BDH1: variants seen among roughly 807,000 people sequenced by gnomAD.
BDH1 encodes the protein 3-hydroxybutyrate dehydrogenase 1.
Under a neutral mutation model 33.1 loss-of-function variants are expected in BDH1, and 30 were observed. That is an observed-to-expected ratio of 0.91 (90% confidence interval 0.68 to 1.23). BDH1 has a LOEUF of 1.23. Ranked by LOEUF, BDH1 falls within the 50% of genes most tolerant of loss-of-function variation. The probability of loss-of-function intolerance (pLI) is 0.00; values close to 1 mark genes in which losing one functional copy is unlikely to be tolerated. For missense variants in BDH1, 443 were observed against 464.4 expected (o/e 0.95, Z 0.42); for synonymous variants, 190 against 183.6 (o/e 1.03, Z -0.28).
chr3:197,544,166 G>A (rs1201045424), intron 3 of BDH1, among the ~76,000 whole-genome samples: 2 of 152,200 alleles, frequency 1.3e-5, no homozygotes. Flanking sequence ...TAGGCATGGC[G>A]ATTACCCACC....
rs936811832 is a variant in BDH1 at position 197,546,068 on chromosome 3, C to A, written c.83+293G>T. The A allele has an allele frequency of 1.3e-5, 3 of 226,734 alleles. No homozygotes were observed. In the East Asian group the frequency reaches 2.8e-4, roughly 21 times the overall value. 14.0% of individuals were successfully genotyped at this position (226,734 alleles called of 1,614,324 possible). A position where few individuals can be genotyped will look rare whatever the true frequency, so the allele number is the denominator to read the frequency against. ...GGGAGAATCACTTGAACCCAGGAGG[C>A]GGAGGTGGCAGTGAGCCGAGATCAC... On this transcript the variant is annotated intron_variant, in intron 3 of 7. Coordinates refer to ENST00000392379, the MANE Select transcript of BDH1 (RefSeq NM_203314.3).
intron 1 of BDH1, among the ~76,000 whole-genome samples, chr3:197,569,398 G>A (rs186785430): frequency 6.6e-6 from 1 of 152,120 alleles, no homozygotes; most frequent in Non-Finnish European, 1.5e-5. Flanking sequence ...AATACAGGTG[G>A]CAATTTCTGA....
Position 197,522,672 on chromosome 3 carries a change from A to G in BDH1, c.377T>C (p.Ile126Thr), listed in dbSNP as rs924016446. ...SSEEVEKVVE[I>T]VRSSLKDPEK... ...AGGGTCCTTCAGGCTCGAGCGGACA[A>G]TCTCCACCACTTTCTCCACCTCTTC... The change falls in exon 6 of 8, where the codon ATT becomes ACT. Residue 126 changes from isoleucine (I) to threonine (T), a missense_variant. Physicochemically the swap from Ile to Thr is moderately conservative, Grantham distance 89. Coordinates refer to ENST00000392379, the MANE Select transcript of BDH1 (RefSeq NM_203314.3). This position sits in a 1 kb window ranked among gnomAD's most constrained non-coding sequence, Gnocchi z 4.8. 1.9e-6 allele frequency: 3 copies of G among 1,614,016 alleles called. No individual in the cohort carries two copies. The highest frequency in any genetic ancestry group is 2.5e-6 in the Non-Finnish European group (3 of 1,180,014).
In BDH1 at chr3:197,514,262, A is replaced by G. The variant is rs757484586; in HGVS notation, c.562+2T>C. On this transcript the variant is annotated splice_donor_variant, in intron 7 of 7. Transcript: ENST00000392379. LOFTEE classifies it high-confidence loss of function. This position sits in a 1 kb window ranked among gnomAD's most constrained non-coding sequence, Gnocchi z 4.2. Reference sequence around the variant, plus strand: ...CAGGAGGGAGCTCCCTTTCCCACTCACCTTTGGCCCTTCGGATGAGGGGGA... The same window carrying G: ...CAGGAGGGAGCTCCCTTTCCCACTCGCCTTTGGCCCTTCGGATGAGGGGGA... 1 of 1,607,152 alleles carries G rather than the reference A, an allele frequency of 6.2e-7. No individual in the cohort carries two copies. Among genetic ancestry groups the G allele is most frequent in the South Asian group, 1.1e-5 (1 of 90,402 alleles).
chr3:197,550,256 C>T (rs891668), intron 2 of BDH1, among the ~76,000 whole-genome samples: 47,919 of 152,000 alleles, frequency 0.32, 8,102 homozygotes, highest in African/African-American at 0.42. Context: ...TCACATGGCT[C>T]GTTTCACAGG....
At chr3:197,530,230 A>G (rs779185174) in intron 5 of BDH1, 4 of 152,218 alleles carry the variant, frequency 2.6e-5, no homozygotes. Context: ...TTGTGTGGAA[A>G]TAGGCACTCA....
chr3:197,569,396 T>C (rs1401718356), intron 1 of BDH1, among the ~76,000 whole-genome samples: 2 of 152,166 alleles, frequency 1.3e-5, no homozygotes, highest in African/African-American at 4.8e-5. Context: ...ACAATACAGG[T>C]GGCAATTTCT....
At chr3:197,562,971 T>G (rs1394409570) in intron 1 of BDH1, among the ~76,000 whole-genome samples, 1 of 152,248 alleles carries the variant, frequency 6.6e-6, no homozygotes, top group Non-Finnish European at 1.5e-5. Context: ...CTATTTTCCT[T>G]TCTGCCATGC....
chr3:197,540,991 C>T (rs571088520), intron 3 of BDH1, among the ~76,000 whole-genome samples: 1 of 152,344 alleles, frequency 6.6e-6, no homozygotes, highest in Admixed American at 6.5e-5. Context: ...GCCTCCTGAG[C>T]ACTGCTGGAC....
chr3:197,572,701 C>T (rs1425682220), intron 1 of BDH1, among the ~76,000 whole-genome samples: 1 of 152,176 alleles, frequency 6.6e-6, no homozygotes, highest in African/African-American at 2.4e-5. Flanking sequence ...TGTACCACTA[C>T]ACTCCAGCCC....
intron 1 of BDH1, among the ~76,000 whole-genome samples, chr3:197,570,511 G>A (rs999169891): frequency 2.0e-5 from 3 of 152,328 alleles, no homozygotes; most frequent in South Asian, 4.1e-4. Flanking sequence ...GGGCCCAGGG[G>A]CCCCCTGCTG....
At chr3:197,540,903 C>A (rs750763935) in intron 3 of BDH1, among the ~76,000 whole-genome samples, 8 of 152,184 alleles carry the variant, frequency 5.3e-5, no homozygotes, top group East Asian at 1.9e-4. Flanking sequence ...CTGCCCCCCC[C>A]ACAGCAATAC....
rs1714341151 is a variant in BDH1 at position 197,528,577 on chromosome 3, C to T, written c.267+3835G>A. On this transcript the variant is annotated intron_variant, in intron 5 of 7. Coordinates refer to ENST00000392379, the MANE Select transcript of BDH1 (RefSeq NM_203314.3). The surrounding 1 kb of genome is among the most constrained non-coding windows in gnomAD (Gnocchi z 5.1). ...CCTTTCAACCCCCACGGTGCCTTAT[C>T]CAAAGCCTCTGGTGGTGCTAACTGC... 6.6e-6 allele frequency: 1 copy of T among 152,216 alleles called. No individual in the cohort carries two copies. Among genetic ancestry groups the T allele is most frequent in the Non-Finnish European group, 1.5e-5 (1 of 68,084 alleles). The allele number at this position is 152,216 out of a possible 1,614,324, so 9.4% of individuals were successfully genotyped here. A position where few individuals can be genotyped will look rare whatever the true frequency, so the allele number is the denominator to read the frequency against.
intron 1 of BDH1, among the ~76,000 whole-genome samples, chr3:197,571,893 T>C (rs941666132): frequency 1.4e-4 from 22 of 152,146 alleles, no homozygotes; most frequent in African/African-American, 5.1e-4. Context: ...AAGACCTTGT[T>C]TCTACAAAAA....
At chr3:197,519,934 T>C (rs931445176) in intron 6 of BDH1, among the ~76,000 whole-genome samples, 11 of 152,142 alleles carry the variant, frequency 7.2e-5, no homozygotes, top group African/African-American at 2.7e-4. Flanking sequence ...GCAGCAACTG[T>C]TCCACAGAGC....
rs1711925146 is a variant in BDH1 at position 197,510,704 on chromosome 3, T to TG, written c.*1190dup. On this transcript the variant is annotated 3_prime_UTR_variant, in exon 8 of 8. Coordinates refer to ENST00000392379, the MANE Select transcript of BDH1 (RefSeq NM_203314.3). ...TGTAAGGTGTGTGTGTGTGTGTGTG[T>TG]GTGTGTGTGTGTGTACATGTGTGTA... 2 of 115,202 alleles carry TG rather than the reference T, an allele frequency of 1.7e-5. No individual in the cohort carries two copies. Among genetic ancestry groups the TG allele is most frequent in the Admixed American group, 8.7e-5 (1 of 11,460 alleles). 7.1% of individuals were successfully genotyped at this position (115,202 alleles called of 1,614,324 possible). A position where few individuals can be genotyped will look rare whatever the true frequency, so the allele number is the denominator to read the frequency against.
chr3:197,566,634 T>C (rs1717443284), intron 1 of BDH1, among the ~76,000 whole-genome samples: 1 of 152,180 alleles, frequency 6.6e-6, no homozygotes, highest in Admixed American at 6.5e-5. Flanking sequence ...AGCAAACCAG[T>C]CCTACCATGA....
intron 4 of BDH1, among the ~76,000 whole-genome samples, chr3:197,532,835 A>T (rs2108742620): frequency 6.6e-6 from 1 of 152,356 alleles, no homozygotes; most frequent in African/African-American, 2.4e-5. Flanking sequence ...CTAGTGATAG[A>T]GCTGGAACTG....
At chr3:197,559,822 C>T (rs992709715), upstream of BDH1, among the ~76,000 whole-genome samples, 3 of 152,234 alleles carry the variant, frequency 2.0e-5, no homozygotes, top group African/African-American at 4.8e-5. Context: ...TTCTCAGCCC[C>T]ACCTTCAACC....
Sources: gnomAD v4.1 joint callset for allele counts (sites outside exome capture counted in the v4.1 genomes callset) on GRCh38, gnomAD v4.1.1 for gene constraint, Gnocchi (gnomAD v3.1) non-coding constraint, MANE v1.5 for transcripts, NCBI Gene and HGNC (gene_info 2026-07-23, HGNC 2026-07-21) for gene names.